CREBBP: variants seen among roughly 807,000 people sequenced by gnomAD.
CREBBP encodes the protein CREB binding lysine acetyltransferase, also known as CREB-binding protein.
Under a neutral mutation model 265.0 loss-of-function variants are expected in CREBBP, and 19 were observed. That is an observed-to-expected ratio of 0.07 (90% CI 0.05 to 0.11). The LOEUF (loss-of-function observed/expected upper bound fraction) is 0.11, where lower values mean the gene tolerates loss of function less well. Ranked by LOEUF, CREBBP falls within the 10% of genes least tolerant of loss-of-function variation. The pLI, the probability that CREBBP is intolerant of heterozygous loss-of-function variation, is 1.00. For missense variants in CREBBP, 2,525 were observed against 3,219.0 expected (o/e 0.78, Z 5.22); for synonymous variants, 1,457 against 1,223.7 (o/e 1.19, Z -3.98).
At chr16:3,767,990 C>T in intron 15 of CREBBP, 81 bp from the exon 16 acceptor site, 1 of 1,375,460 alleles carries the variant, frequency 7.3e-7, no homozygotes, top group Non-Finnish European at 1.0e-6. Context: ...CTCTTACAAG[C>T]CTAAAACAGG....
At position 3,865,318 on chromosome 16, in the gene CREBBP, A is replaced by T. The variant is rs146105564; in HGVS notation, c.86-14309T>A. On this transcript the variant is annotated intron_variant, in intron 1 of 30. Transcript: ENST00000262367. ...AGAAGACAAGACTGGAAATAACCTAAATGTCCACCAGTGGGGAGAGGATTA... is the reference window on the plus strand; with the variant it reads ...AGAAGACAAGACTGGAAATAACCTATATGTCCACCAGTGGGGAGAGGATTA... 9.3e-4 allele frequency among the ~76,000 whole-genome samples: 142 copies of T among 152,324 alleles called. 2 individuals are homozygous for T. In the South Asian group the frequency reaches 0.011, roughly 12 times the overall value.
intron 16 of CREBBP, among the ~76,000 whole-genome samples, chr16:3,766,747 G>A (rs1017494245): frequency 3.3e-5 from 5 of 152,040 alleles, no homozygotes; most frequent in African/African-American, 1.2e-4. Flanking sequence ...GGCTGGTTTT[G>A]AACTCCCAGC....
In CREBBP at chr16:3,769,343, G is replaced by A. The variant is rs760906604; in HGVS notation, c.2891C>T (p.Ala964Val). 4 of 1,614,090 alleles carry A rather than the reference G, an allele frequency of 2.5e-6. No homozygotes were observed. Among genetic ancestry groups the A allele is most frequent in the African/African-American group, 2.7e-5 (2 of 74,944 alleles). Residue 964 changes from alanine (A) to valine (V), a missense_variant, in exon 15 of 31, where the codon GCA becomes GTA. This residue lies in a region of CREBBP where 548 missense variants were observed against 533.0 expected (regional missense o/e 1.03). Transcript: ENST00000262367. ...AQPPGTPLSQ[A>V]AASIDNRVPT... ...GACTCTGTTATCAATGCTGGCTGCTGCCTGGGAAAGCTGTGAAAAAACCGA... is the reference window on the plus strand; with the variant it reads ...GACTCTGTTATCAATGCTGGCTGCTACCTGGGAAAGCTGTGAAAAAACCGA...
chr16:3,863,112 G>A lies in CREBBP; in HGVS notation c.86-12103C>T, dbSNP rs1195863778. ...TAATGTGAATCAGAAGGGAAATACT[G>A]ATTTATCAAAATGCACTTAATACAA... On this transcript the variant is annotated intron_variant, in intron 1 of 30. Transcript: ENST00000262367. Among the ~76,000 whole-genome samples, 4 of 152,146 alleles carry A rather than the reference G, an allele frequency of 2.6e-5. No homozygotes were observed. The East Asian group carries it at 7.7e-4, about 29-fold the overall frequency.
At chr16:3,760,263 T>A (rs1596860036) in intron 16 of CREBBP, among the ~76,000 whole-genome samples, 1 of 152,062 alleles carries the variant, frequency 6.6e-6, no homozygotes, top group East Asian at 1.9e-4. Flanking sequence ...GACTCATTTT[T>A]AAATTTTTTA....
intron 19 of CREBBP, among the ~76,000 whole-genome samples, chr16:3,755,516 T>A (rs1284779624): frequency 1.3e-5 from 2 of 152,212 alleles, no homozygotes; most frequent in Non-Finnish European, 2.9e-5. Flanking sequence ...CATTATTTCA[T>A]CATTGAGGAC....
rs1596781810 is a variant in CREBBP at position 3,728,222 on chromosome 16, C to T, written c.6825G>A (p.Gly2275=). The T allele has an allele frequency of 1.2e-6, 2 of 1,613,508 alleles. No individual in the cohort carries two copies. Among genetic ancestry groups the T allele is most frequent in the East Asian group, 4.5e-5 (2 of 44,878 alleles). The change falls in exon 31 of 31, where the codon GGG becomes GGA. Residue 2275 remains glycine, a synonymous_variant. Coordinates refer to ENST00000262367, the MANE Select transcript of CREBBP (RefSeq NM_004380.3). This position sits in a 1 kb window ranked among gnomAD's most constrained non-coding sequence, Gnocchi z 8.7. ...AAQMGQLGQM[G]QPGLGADSTP... ...TGCTGTCTGCCCCCAGCCCCGGCTG[C>T]CCCATCTGGCCAAGCTGTCCCATCT...
intron 2 of CREBBP, among the ~76,000 whole-genome samples, chr16:3,828,089 T>C (rs1353622606): frequency 2.0e-5 from 3 of 150,836 alleles, no homozygotes; most frequent in Non-Finnish European, 4.4e-5. Context: ...GCTGACTTCT[T>C]TTTTTTTTGT....
chr16:3,834,880 C>A (rs1169602482), intron 2 of CREBBP, among the ~76,000 whole-genome samples: 2 of 152,100 alleles, frequency 1.3e-5, no homozygotes, highest in Non-Finnish European at 2.9e-5. Context: ...TTTCTTGGGC[C>A]AGGCGCAGTG....
intron 3 of CREBBP, among the ~76,000 whole-genome samples, chr16:3,808,165 C>A: frequency 2.2e-5 from 2 of 89,062 alleles, no homozygotes; most frequent in Non-Finnish European, 4.5e-5. Context: ...AAGGGGGGGG[C>A]AGCGGGGGAG....
chr16:3,761,669 C>A, intron 16 of CREBBP: 1 of 491,760 alleles, frequency 2.0e-6, no homozygotes, highest in South Asian at 1.5e-5. Context: ...AGGTAAAAAC[C>A]CCGACGCAGC....
At chr16:3,733,893 T>C (rs1347172230) in intron 28 of CREBBP, among the ~76,000 whole-genome samples, 2 of 152,134 alleles carry the variant, frequency 1.3e-5, no homozygotes, top group Non-Finnish European at 2.9e-5. Context: ...CCACCTGCCT[T>C]GGCCTCTCAA....
intron 17 of CREBBP, among the ~76,000 whole-genome samples, chr16:3,758,424 G>A (rs1040648373): frequency 6.6e-6 from 1 of 152,160 alleles, no homozygotes; most frequent in African/African-American, 2.4e-5. Flanking sequence ...CAAGCAAAAT[G>A]AAATTACAAG....
chr16:3,763,139 T>C (rs1340701896), intron 16 of CREBBP, among the ~76,000 whole-genome samples: 2 of 151,836 alleles, frequency 1.3e-5, no homozygotes, highest in Admixed American at 6.6e-5. Flanking sequence ...TGCTGTAAGA[T>C]GAAAACTATT....
rs130009 is a variant in CREBBP, at chr16:3,732,012, C to T, written c.4729-75G>A. On this transcript the variant is annotated intron_variant, in intron 28 of 30. Transcript: ENST00000262367. ...TGGCACGGACGCCCAGCTCCCAGGC[C>T]GTGGGCATCAGGAAGCTCAGGCCAA... 118 of 1,611,592 alleles carry T rather than the reference C, an allele frequency of 7.3e-5. No homozygotes were observed. The East Asian group carries it at 2.0e-3, about 28-fold the overall frequency.
chr16:3,785,754 C>T (rs1356892038), intron 5 of CREBBP, among the ~76,000 whole-genome samples: 1 of 152,150 alleles, frequency 6.6e-6, no homozygotes, highest in Non-Finnish European at 1.5e-5. Flanking sequence ...ATGTCAAGGC[C>T]GTGTGCTCAT....
chr16:3,749,192 T>C (rs129979), intron 21 of CREBBP, among the ~76,000 whole-genome samples: 209 of 152,304 alleles, frequency 1.4e-3, no homozygotes, highest in African/African-American at 4.9e-3. Context: ...TGCTTAACAA[T>C]GGCAAGAAAA....
chr16:3,739,977 T>C (rs1032865677), intron 24 of CREBBP, among the ~76,000 whole-genome samples: 3 of 152,236 alleles, frequency 2.0e-5, no homozygotes, highest in African/African-American at 7.2e-5. Flanking sequence ...GAGGACTGGC[T>C]ATACAGCAGT....
At chr16:3,800,923 G>A (rs1294170061) in intron 3 of CREBBP, among the ~76,000 whole-genome samples, 5 of 152,194 alleles carry the variant, frequency 3.3e-5, no homozygotes, top group African/African-American at 1.2e-4. Flanking sequence ...AATTAAATCT[G>A]AAAGACACAA....
Sources: gnomAD v4.1 joint callset for allele counts (sites outside exome capture counted in the v4.1 genomes callset) on GRCh38, gnomAD v4.1.1 for gene constraint, gnomAD v4.1.1 regional missense constraint, Gnocchi (gnomAD v3.1) non-coding constraint, MANE v1.5 for transcripts, NCBI Gene and HGNC (gene_info 2026-07-23, HGNC 2026-07-21) for gene names.